Variants in COBL observed in about 807,000 individuals in gnomAD.
COBL encodes cordon-bleu WH2 repeat protein, also known as protein cordon-bleu.
COBL carries 51 observed loss-of-function variants against 98.8 expected under a neutral mutation model. The ratio of observed to expected loss-of-function variants is 0.52; its 90% confidence interval spans 0.41 to 0.65. COBL has a LOEUF of 0.65. Ranked by LOEUF, COBL falls within the 30% of genes least tolerant of loss-of-function variation. The pLI, the probability that COBL is intolerant of heterozygous loss-of-function variation, is 0.00. For missense variants in COBL, 1,617 were observed against 1,617.5 expected, an observed-to-expected ratio of 1.00 and a Z score of 0.01; for synonymous variants, 634 against 651.7, an observed-to-expected ratio of 0.97 and a Z score of 0.41.
intron 6 of COBL, among the ~76,000 whole-genome samples, chr7:51,101,754 G>C (rs936134566): frequency 6.6e-6 from 1 of 152,222 alleles, no homozygotes; most frequent in African/African-American, 2.4e-5. Flanking sequence ...TCTATCTTTA[G>C]CATATTCTAT....
intron 5 of COBL, among the ~76,000 whole-genome samples, chr7:51,180,165 T>C (rs1788796663): frequency 6.6e-6 from 1 of 152,230 alleles, no homozygotes; most frequent in Admixed American, 6.5e-5. Flanking sequence ...GCACTGGTTA[T>C]TTTACAAGGC....
At chr7:51,275,784 C>T (rs1393790842) in intron 1 of COBL, among the ~76,000 whole-genome samples, 1 of 152,214 alleles carries the variant, frequency 6.6e-6, no homozygotes, top group African/African-American at 2.4e-5. Context: ...TTCCACCTTC[C>T]CCTCACAGTG....
In COBL at chr7:51,038,493, T is replaced by A. The variant is rs570467405; in HGVS notation, c.1406+4890A>T. On this transcript the variant is annotated intron_variant, in intron 8 of 12. Coordinates refer to ENST00000265136, the MANE Select transcript of COBL (RefSeq NM_015198.5). The stretch of plus-strand genomic sequence containing the variant: ...GCATCCCTAGCCAAAGGAGTCTAGA[T>A]GATTTTGACCTTCATAGGGTGCAGG... Among the ~76,000 whole-genome samples the A allele has an allele frequency of 2.6e-5, 4 of 152,294 alleles. No homozygotes were observed. The East Asian group carries it at 7.7e-4, about 29-fold the overall frequency.
At chr7:51,149,262 T>C (rs1483031431) in intron 5 of COBL, among the ~76,000 whole-genome samples, 1 of 152,136 alleles carries the variant, frequency 6.6e-6, no homozygotes, top group Non-Finnish European at 1.5e-5. Flanking sequence ...CAGGGGCACA[T>C]CACTTCTCCT....
chr7:51,233,440 C>T (rs1182318464), intron 1 of COBL, among the ~76,000 whole-genome samples: 1 of 152,058 alleles, frequency 6.6e-6, no homozygotes, highest in African/African-American at 2.4e-5. Flanking sequence ...AAAAAAGGAG[C>T]AGAGCTGTAT....
chr7:51,023,798 ACCT>A (rs1787180685), intron 12 of COBL, among the ~76,000 whole-genome samples: 1 of 152,172 alleles, frequency 6.6e-6, no homozygotes, highest in African/African-American at 2.4e-5. Context: ...CTCCTGGGTT[ACCT>A]GCTCTCTACG....
intron 7 of COBL, chr7:51,083,107 G>A (rs1793833317): frequency 2.6e-6 from 4 of 1,534,650 alleles, no homozygotes; most frequent in Non-Finnish European, 3.5e-6. Context: ...CCCCGGGAAA[G>A]CTGAGAGGCT....
chr7:51,178,847 G>A (rs1236665897), intron 5 of COBL, among the ~76,000 whole-genome samples: 2 of 152,140 alleles, frequency 1.3e-5, no homozygotes, highest in African/African-American at 2.4e-5. Context: ...GACCTCAGGC[G>A]ATCCACCCGC....
At chr7:51,226,548 A>G (rs77722724) in intron 1 of COBL, among the ~76,000 whole-genome samples, 956 of 61,208 alleles carry the variant, frequency 0.016, 10 homozygotes, top group African/African-American at 0.037. Context: ...GTGAGTGAGT[A>G]AGTGAGTGAC....
intron 2 of COBL, among the ~76,000 whole-genome samples, chr7:51,214,047 C>T (rs577272306): frequency 6.6e-6 from 1 of 152,084 alleles, no homozygotes; most frequent in South Asian, 2.1e-4. Context: ...AGGCAGATCA[C>T]TTGAGGTCAG....
At chr7:51,298,561 G>T (rs1393981704) in intron 1 of COBL, among the ~76,000 whole-genome samples, 1 of 152,210 alleles carries the variant, frequency 6.6e-6, no homozygotes, top group African/African-American at 2.4e-5. Flanking sequence ...AGCAAGGCAG[G>T]CCACTCCATT....
intron 1 of COBL, among the ~76,000 whole-genome samples, chr7:51,256,553 T>G (rs1484139799): frequency 6.6e-6 from 1 of 152,192 alleles, no homozygotes; most frequent in Admixed American, 6.5e-5. Context: ...AAAAACACCG[T>G]GGAAGATGCC....
rs1246161815 is a variant in COBL at position 51,191,094 on chromosome 7, G to C, written c.457-16C>G. 5.6e-6 allele frequency: 9 copies of C among 1,608,560 alleles called. No homozygotes were observed. The highest frequency in any genetic ancestry group is 7.6e-6 in the Non-Finnish European group (9 of 1,176,792). ...GCACAGATTTCTGGAAGAACACACA[G>C]GCAAAAAGAATTCAGTAAGATATCC... is the stretch of plus-strand genomic sequence containing the variant. On this transcript the variant is annotated splice_polypyrimidine_tract_variant and intron_variant, in intron 3 of 12. Coordinates refer to ENST00000265136, the MANE Select transcript of COBL (RefSeq NM_015198.5).
intron 7 of COBL, chr7:51,071,761 A>G (rs1416598450): frequency 1.3e-5 from 2 of 152,204 alleles, no homozygotes; most frequent in African/African-American, 2.4e-5. Flanking sequence ...GTAATTATAT[A>G]CAATCTTCTA....
chr7:51,068,140 G>T (rs1004565439), intron 7 of COBL, among the ~76,000 whole-genome samples: 1 of 152,200 alleles, frequency 6.6e-6, no homozygotes, highest in Non-Finnish European at 1.5e-5. Flanking sequence ...GCTACTTTTG[G>T]TAAACATGGT....
At chr7:51,264,895 G>A (rs1327283149) in intron 1 of COBL, among the ~76,000 whole-genome samples, 2 of 152,064 alleles carry the variant, frequency 1.3e-5, no homozygotes, top group African/African-American at 2.4e-5. Flanking sequence ...CATATCCATA[G>A]GAAATATCCC....
intron 1 of COBL, among the ~76,000 whole-genome samples, chr7:51,254,672 G>T (rs531803164): frequency 6.6e-6 from 1 of 152,104 alleles, no homozygotes; most frequent in African/African-American, 2.4e-5. Flanking sequence ...GAATTCTCTA[G>T]AAAGTGGCCT....
At chr7:51,112,548 A>G (rs1021049552) in intron 6 of COBL, among the ~76,000 whole-genome samples, 3 of 152,224 alleles carry the variant, frequency 2.0e-5, no homozygotes, top group African/African-American at 7.2e-5. Context: ...TTCTGCACAC[A>G]GATCTTTCAG....
chr7:51,083,316 A>C, intron 7 of COBL: 7 of 963,866 alleles, frequency 7.3e-6, no homozygotes, highest in Non-Finnish European at 1.0e-5. Flanking sequence ...TGGGCACCAG[A>C]TCCAGCCACA....
Sources: gnomAD v4.1 joint callset for allele counts (sites outside exome capture counted in the v4.1 genomes callset) on GRCh38, gnomAD v4.1.1 for gene constraint, MANE v1.5 for transcripts, NCBI Gene and HGNC (gene_info 2026-07-23, HGNC 2026-07-21) for gene names.